The following SUN1 variants were observed in gnomAD, a reference collection of about 807,000 sequenced individuals.
The protein encoded by SUN1 is SUN domain-containing protein 1.
A neutral mutation model predicts 103.2 loss-of-function variants in SUN1; 61 were observed. That is an observed-to-expected ratio of 0.59 (90% confidence interval 0.48 to 0.73). The LOEUF (loss-of-function observed/expected upper bound fraction) is 0.73. SUN1 is among the 30% of genes least tolerant of loss of function. The pLI, the probability that SUN1 is intolerant of heterozygous loss-of-function variation, is 0.00. For missense variants in SUN1, 1,052 were observed against 1,034.6 expected, an observed-to-expected ratio of 1.02 and a Z score of -0.23; for synonymous variants, 490 against 425.7, an observed-to-expected ratio of 1.15 and a Z score of -1.86.
upstream of SUN1, chr7:816,308 C>T (rs1780455374): frequency 4.6e-6 from 1 of 219,204 alleles, no homozygotes; most frequent in African/African-American, 2.7e-5. Context: ...AGACCCCTCC[C>T]CTAAATGCGG....
At chr7:842,386 G>T (rs1810953345) in intron 3 of SUN1, 2 of 513,004 alleles carry the variant, frequency 3.9e-6, no homozygotes, top group African/African-American at 1.9e-5. Context: ...GTGGTCATTG[G>T]GTTATGCTAA....
At chr7:852,553 T>G in intron 7 of SUN1, 56 bp from the exon 8 acceptor site, 2 of 1,606,864 alleles carry the variant, frequency 1.2e-6, no homozygotes, top group South Asian at 1.1e-5. Context: ...GAAAACAGAT[T>G]GGTGAACCCT....
chr7:828,491 C>T (rs369264093), upstream of SUN1, among the ~76,000 whole-genome samples: 6 of 152,198 alleles, frequency 3.9e-5, no homozygotes, highest in South Asian at 2.1e-4. Flanking sequence ...CCGCTGGCCT[C>T]GAACTCCTGA....
chr7:838,935 G>A lies in SUN1; in HGVS notation c.215G>A (p.Gly72Asp). 6.2e-7 allele frequency: 1 copy of A among 1,610,114 alleles called. No homozygotes were observed. Among genetic ancestry groups the A allele is most frequent in the Non-Finnish European group, 8.5e-7 (1 of 1,178,820 alleles). ...ACTLGDGEAVGADSGTSSAVS... is the reference protein window; with the variant it reads ...ACTLGDGEAVDADSGTSSAVS... ...ACCCTGGGGGATGGTGAGGCTGTGG[G>A]TGCCGACAGCGGCACCAGCAGCGCT... Residue 72 changes from glycine to aspartate, a missense_variant, in exon 2 of 19, where the codon GGT (glycine) becomes GAT (aspartate). Gly to Asp is a moderately conservative substitution (Grantham distance 94). This residue lies in a region of SUN1 where 846 missense variants were observed against 774.5 expected (regional missense o/e 1.09). Transcript: ENST00000401592.
chr7:816,320 G>A (rs1347009329), upstream of SUN1: 1 of 193,818 alleles, frequency 5.2e-6, no homozygotes, highest in Non-Finnish European at 9.9e-6. Flanking sequence ...TAAATGCGGA[G>A]CCCTCCCTCA....
chr7:820,466 G>GT (rs1276047978), intron 1 of SUN1, among the ~76,000 whole-genome samples: 3 of 152,130 alleles, frequency 2.0e-5, no homozygotes, highest in Non-Finnish European at 2.9e-5. Flanking sequence ...TCTAACAGCA[G>GT]TTTTTTTGTT....
chr7:864,395 C>CA (rs899617842), intron 15 of SUN1, among the ~76,000 whole-genome samples: 21 of 148,870 alleles, frequency 1.4e-4, no homozygotes, highest in Non-Finnish European at 2.4e-4. Context: ...TAAAAAAATG[C>CA]AAAAAAAAAT....
chr7:863,572 T>C (rs1585151409), intron 15 of SUN1, among the ~76,000 whole-genome samples: 1 of 152,202 alleles, frequency 6.6e-6, no homozygotes, highest in African/African-American at 2.4e-5. Context: ...TATTAACATA[T>C]TCGCGGTGCA....
At chr7:858,945 G>C (rs1023932453) in intron 13 of SUN1, among the ~76,000 whole-genome samples, 1 of 152,180 alleles carries the variant, frequency 6.6e-6, no homozygotes, top group Non-Finnish European at 1.5e-5. Flanking sequence ...CCTGAGGTCA[G>C]AAGTTCAAGA....
At chr7:867,087 G>A (rs1837566973) in intron 16 of SUN1, among the ~76,000 whole-genome samples, 1 of 152,228 alleles carries the variant, frequency 6.6e-6, no homozygotes, top group Non-Finnish European at 1.5e-5. Flanking sequence ...CCTGTGACCT[G>A]ACGTTGAGGA....
chr7:870,839 G>A (rs1042592503), intron 17 of SUN1, among the ~76,000 whole-genome samples: 3 of 151,892 alleles, frequency 2.0e-5, no homozygotes, highest in Admixed American at 6.6e-5. Flanking sequence ...CATGTTGTAC[G>A]GCCGAGTCGG....
chr7:860,077 G>T, intron 13 of SUN1, 51 bp from the exon 14 acceptor site: 1 of 1,599,316 alleles, frequency 6.3e-7, no homozygotes. Flanking sequence ...CCGAACAGTG[G>T]AAGTGATTTA....
chr7:832,472 A>G, upstream of SUN1: 1 of 1,570,074 alleles, frequency 6.4e-7, no homozygotes, highest in Non-Finnish European at 8.7e-7. Context: ...CTGCCCGTTA[A>G]AACACTCTGC....
chr7:852,299 C>A, intron 7 of SUN1: 1 of 596,384 alleles, frequency 1.7e-6, no homozygotes, highest in Non-Finnish European at 2.9e-6. Flanking sequence ...GGACCCAGGT[C>A]CAGGCTTCTG....
At chr7:847,033 T>C (rs1816528590) in intron 5 of SUN1, among the ~76,000 whole-genome samples, 1 of 152,124 alleles carries the variant, frequency 6.6e-6, no homozygotes, top group Non-Finnish European at 1.5e-5. Flanking sequence ...AAATAATAAA[T>C]AGCAAAGGAG....
At chr7:833,910 A>C (rs1159085282) in intron 1 of SUN1, among the ~76,000 whole-genome samples, 1 of 152,166 alleles carries the variant, frequency 6.6e-6, no homozygotes, top group Non-Finnish European at 1.5e-5. Context: ...GACCTATTTT[A>C]ATAGAGTTTT....
At chr7:835,717 G>A (rs1035026590) in intron 1 of SUN1, among the ~76,000 whole-genome samples, 30 of 152,184 alleles carry the variant, frequency 2.0e-4, no homozygotes, top group Admixed American at 2.6e-4. Context: ...CTCTGTTAGC[G>A]CTGAGGCTGA....
At chr7:831,513 G>T (rs533797923), upstream of SUN1, among the ~76,000 whole-genome samples, 43 of 152,184 alleles carry the variant, frequency 2.8e-4, no homozygotes, top group Non-Finnish European at 5.9e-4. Flanking sequence ...CTCGTGATCC[G>T]CCCACCTCGG....
intron 17 of SUN1, 31 bp from the exon 18 acceptor site, chr7:872,439 C>T (rs367783724): frequency 3.9e-5 from 61 of 1,552,368 alleles, no homozygotes; most frequent in Middle Eastern, 3.3e-4. Flanking sequence ...TTTTTCCATT[C>T]GTTCATAATT....
Sources: gnomAD v4.1 joint callset for allele counts (sites outside exome capture counted in the v4.1 genomes callset) on GRCh38, gnomAD v4.1.1 for gene constraint, gnomAD v4.1.1 regional missense constraint, MANE v1.5 for transcripts, NCBI Gene and HGNC (gene_info 2026-07-23, HGNC 2026-07-21) for gene names.